The following SNX29 variants were observed in gnomAD, a reference collection of about 807,000 sequenced individuals.
The protein encoded by SNX29 is sorting nexin-29.
SNX29 carries 78 observed loss-of-function variants against 102.1 expected under a neutral mutation model. That is an observed-to-expected ratio of 0.76 (90% confidence interval 0.64 to 0.92). SNX29 has a LOEUF of 0.92. SNX29 is among the 40% of genes least tolerant of loss of function. SNX29 has a pLI of 0.00. For missense variants in SNX29, 1,280 were observed against 1,061.7 expected, an observed-to-expected ratio of 1.21 and a Z score of -2.86; for synonymous variants, 580 against 414.5, an observed-to-expected ratio of 1.40 and a Z score of -4.85.
intron 13 of SNX29, among the ~76,000 whole-genome samples, chr16:12,181,809 C>A (rs781554237): frequency 6.6e-6 from 1 of 151,770 alleles, no homozygotes; most frequent in African/African-American, 2.4e-5. Flanking sequence ...TTATCCTTGC[C>A]TGCTTATATT....
intron 4 of SNX29, among the ~76,000 whole-genome samples, chr16:12,035,902 T>A (rs2057459254): frequency 6.6e-6 from 1 of 152,196 alleles, no homozygotes; most frequent in South Asian, 2.1e-4. Context: ...TCCCGTTCCC[T>A]TTCTTCCTGC....
intron 19 of SNX29, among the ~76,000 whole-genome samples, chr16:12,504,807 C>T (rs971338400): frequency 6.6e-6 from 1 of 152,224 alleles, no homozygotes; most frequent in Admixed American, 6.5e-5. Context: ...TTGGTGCTAT[C>T]CACAGTTTCG....
chr16:12,149,942 T>A (rs2055227086), intron 13 of SNX29, among the ~76,000 whole-genome samples: 1 of 152,134 alleles, frequency 6.6e-6, no homozygotes, highest in South Asian at 2.1e-4. Context: ...TGAAGGAAGA[T>A]GCTGTGTCAA....
chr16:12,003,959 T>A (rs1221118797), intron 3 of SNX29, among the ~76,000 whole-genome samples: 2 of 151,416 alleles, frequency 1.3e-5, no homozygotes, highest in East Asian at 3.9e-4. Context: ...AATTAAGGGT[T>A]TAGGAGGTGG....
At chr16:12,102,985 A>G (rs374178193) in intron 11 of SNX29, among the ~76,000 whole-genome samples, 1 of 152,154 alleles carries the variant, frequency 6.6e-6, no homozygotes, top group South Asian at 2.1e-4. Flanking sequence ...ACCTAGGAAT[A>G]AAACTTACAA....
intron 5 of SNX29, among the ~76,000 whole-genome samples, 167 bp from the exon 6 acceptor site, chr16:12,046,217 C>T (rs1168607142): frequency 6.6e-6 from 1 of 152,194 alleles, no homozygotes; most frequent in Non-Finnish European, 1.5e-5. Flanking sequence ...GTTCAGTCTT[C>T]TGTTTGTAAC....
chr16:12,398,396 G>T (rs2083794788), intron 16 of SNX29, 50 bp from the exon 17 acceptor site: 1 of 1,585,732 alleles, frequency 6.3e-7, no homozygotes, highest in African/African-American at 1.3e-5. Context: ...TGCAAACCAT[G>T]GTAACCATTA....
intron 18 of SNX29, among the ~76,000 whole-genome samples, chr16:12,434,971 G>A (rs1194800615): frequency 6.6e-6 from 1 of 151,260 alleles, no homozygotes; most frequent in Non-Finnish European, 1.5e-5. Context: ...CTGTTATGGG[G>A]GGCGGTGGGG....
chr16:12,015,431 A>T (rs1290216680), intron 3 of SNX29, among the ~76,000 whole-genome samples: 1 of 151,626 alleles, frequency 6.6e-6, no homozygotes, highest in Non-Finnish European at 1.5e-5. Context: ...GTAGAGATGT[A>T]GTTTCCCTAT....
At position 12,568,614 on chromosome 16, in the gene SNX29, G is replaced by T. The variant is rs1032756054; in HGVS notation, c.2427G>T (p.Gln809His). 6.2e-7 allele frequency: 1 copy of T among 1,604,138 alleles called. No homozygotes were observed. Among genetic ancestry groups the T allele is most frequent in the Non-Finnish European group, 8.5e-7 (1 of 1,179,822 alleles). The change falls in exon 21 of 21, where the codon CAG becomes CAT. Residue 809 changes from glutamine (Q) to histidine (H), a missense_variant. By Grantham distance (24) the Gln-to-His change is conservative (BLOSUM62 0). Coordinates refer to ENST00000566228, the MANE Select transcript of SNX29 (RefSeq NM_032167.5). ...GGGAGACCCGCAACGTGGAGCCCCA[G>T]AGCGGTGACCTCTGACCTCGACAAA... ...QPRETRNVEP[Q>H]SGDL
At position 12,574,172 on chromosome 16, in the gene SNX29, C is replaced by G. The variant is rs2079244916; in HGVS notation, c.*5543C>G. The G allele has an allele frequency of 1.7e-5, 3 of 179,874 alleles. No homozygotes were observed. The highest frequency in any genetic ancestry group is 3.9e-4 in the South Asian group (2 of 5,066). 11.1% of individuals were successfully genotyped at this position (179,874 alleles called of 1,614,324 possible). On this transcript the variant is annotated 3_prime_UTR_variant, in exon 21 of 21. Coordinates refer to ENST00000566228, the MANE Select transcript of SNX29 (RefSeq NM_032167.5). ...AAATGTGTTTAATTTTTTAAGATCTCTTGTATTAAAATTTTCTTTTGGAAT... is the reference window on the plus strand; with the variant it reads ...AAATGTGTTTAATTTTTTAAGATCTGTTGTATTAAAATTTTCTTTTGGAAT...
At chr16:12,280,903 T>TTG (rs964738132) in intron 15 of SNX29, among the ~76,000 whole-genome samples, 4 of 152,094 alleles carry the variant, frequency 2.6e-5, no homozygotes, top group African/African-American at 9.7e-5. Flanking sequence ...AGAAGAAACA[T>TTG]TGTATTTATT....
chr16:12,504,543 C>T (rs756787398), intron 19 of SNX29, among the ~76,000 whole-genome samples: 2 of 152,184 alleles, frequency 1.3e-5, no homozygotes, highest in Non-Finnish European at 2.9e-5. Flanking sequence ...TTCCATGGTG[C>T]GTCTGTGTCA....
rs1453127319 is a variant in SNX29 at position 12,131,463 on chromosome 16, CA to C, written c.1595+1709del. ...TACCTTCTAGCACTGCTTAGGAGTG[CA>C]AAAGCAGCTTTTATTGTTTCCATAT... On this transcript the variant is annotated intron_variant, in intron 13 of 20. Coordinates refer to ENST00000566228, the MANE Select transcript of SNX29 (RefSeq NM_032167.5). Among the ~76,000 whole-genome samples the C allele has an allele frequency of 2.0e-5, 3 of 152,236 alleles. No individual in the cohort carries two copies. In the East Asian group the frequency reaches 5.8e-4, roughly 29 times the overall value.
At chr16:12,047,601 CAGATAAGG>C (rs2050138631) in intron 6 of SNX29, among the ~76,000 whole-genome samples, 1 of 149,300 alleles carries the variant, frequency 6.7e-6, no homozygotes, top group Non-Finnish European at 1.5e-5. Context: ...CCCCATCTTA[CAGATAAGG>C]TGACTGGAGT....
At chr16:12,323,471 C>T (rs1204064224) in intron 15 of SNX29, among the ~76,000 whole-genome samples, 2 of 150,286 alleles carry the variant, frequency 1.3e-5, no homozygotes, top group Non-Finnish European at 2.9e-5. Flanking sequence ...GAATACAAAA[C>T]AGTAGGTTAG....
At chr16:12,524,160 A>G (rs1216337685) in intron 19 of SNX29, among the ~76,000 whole-genome samples, 1 of 152,144 alleles carries the variant, frequency 6.6e-6, no homozygotes, top group Non-Finnish European at 1.5e-5. Context: ...CACGCGTCCT[A>G]GTTTTTCAAG....
chr16:12,450,192 T>C (rs1320107452), intron 18 of SNX29, among the ~76,000 whole-genome samples: 1 of 152,204 alleles, frequency 6.6e-6, no homozygotes, highest in Non-Finnish European at 1.5e-5. Context: ...TGTTTTTCTT[T>C]ATAAATTACC....
intron 14 of SNX29, 134 bp downstream of exon 14, chr16:12,199,817 T>A: frequency 1.4e-6 from 1 of 719,408 alleles, no homozygotes; most frequent in Non-Finnish European, 2.3e-6. Context: ...TGCTCAGCGT[T>A]CCAGAAAATT....
Sources: gnomAD v4.1 joint callset for allele counts (sites outside exome capture counted in the v4.1 genomes callset) on GRCh38, gnomAD v4.1.1 for gene constraint, MANE v1.5 for transcripts, NCBI Gene and HGNC (gene_info 2026-07-23, HGNC 2026-07-21) for gene names.